GRID1: variants seen among roughly 807,000 people sequenced by gnomAD.
GRID1 encodes glutamate ionotropic receptor delta type subunit 1, also known as glutamate receptor ionotropic, delta-1.
In GRID1, 28 loss-of-function variants were observed where a neutral mutation model predicts 98.0. That is an observed-to-expected ratio of 0.29 (90% CI 0.21 to 0.39). The LOEUF is 0.39. Among genes scored for constraint, GRID1 ranks in the 10% least tolerant of loss-of-function variants. The probability of loss-of-function intolerance (pLI) is 1.00; values close to 1 mark genes in which losing one functional copy is unlikely to be tolerated. For missense variants in GRID1, 1,111 were observed against 1,340.5 expected (o/e 0.83, Z 2.67); for synonymous variants, 553 against 538.5 (o/e 1.03, Z -0.37).
intron 8 of GRID1, among the ~76,000 whole-genome samples, chr10:85,772,819 G>T (rs1203090644): frequency 1.3e-5 from 2 of 152,188 alleles, no homozygotes; most frequent in African/African-American, 4.8e-5. Context: ...TCTGAAATTG[G>T]GGCAATAATC....
At chr10:85,750,315 C>T (rs560395467) in intron 8 of GRID1, among the ~76,000 whole-genome samples, 2 of 152,174 alleles carry the variant, frequency 1.3e-5, no homozygotes, top group South Asian at 2.1e-4. Flanking sequence ...TGACCCATCA[C>T]CAGGGAAGAA....
At chr10:85,637,482 C>T (rs1180315475) in intron 13 of GRID1, among the ~76,000 whole-genome samples, 4 of 152,164 alleles carry the variant, frequency 2.6e-5, no homozygotes, top group Non-Finnish European at 4.4e-5. Flanking sequence ...AGCCCAAGAC[C>T]ATGGGAGGCA....
chr10:86,246,310 A>C (rs1589424924), intron 2 of GRID1, among the ~76,000 whole-genome samples: 1 of 152,176 alleles, frequency 6.6e-6, no homozygotes, highest in African/African-American at 2.4e-5. Context: ...GCCACGGCCC[A>C]CCTGGGCTCC....
intron 4 of GRID1, among the ~76,000 whole-genome samples, chr10:86,005,192 A>G (rs1315756642): frequency 6.6e-6 from 1 of 152,154 alleles, no homozygotes; most frequent in Non-Finnish European, 1.5e-5. Context: ...TGAAAGGAAC[A>G]GTTCTCCTGC....
intron 4 of GRID1, among the ~76,000 whole-genome samples, chr10:85,943,475 T>C (rs1000848206): frequency 6.6e-6 from 1 of 152,188 alleles, no homozygotes; most frequent in Non-Finnish European, 1.5e-5. Context: ...ATCTTTAATA[T>C]AGTGAAAAAT....
intron 4 of GRID1, among the ~76,000 whole-genome samples, chr10:86,092,963 A>G (rs1844169677): frequency 6.6e-6 from 1 of 152,218 alleles, no homozygotes; most frequent in Non-Finnish European, 1.5e-5. Flanking sequence ...TTTTTCCAAG[A>G]TAGACAATAT....
chr10:86,345,346 G>A (rs1848366771), intron 2 of GRID1, among the ~76,000 whole-genome samples: 1 of 152,180 alleles, frequency 6.6e-6, no homozygotes, highest in Non-Finnish European at 1.5e-5. Context: ...GAGAGGCCTG[G>A]GTCTATCAGA....
intron 8 of GRID1, among the ~76,000 whole-genome samples, chr10:85,832,906 C>T (rs767534668): frequency 1.3e-4 from 20 of 152,076 alleles, no homozygotes; most frequent in Non-Finnish European, 1.0e-4. Context: ...CCCTTCCACA[C>T]TAACTACCCT....
chr10:86,098,342 C>T (rs2065319682), intron 4 of GRID1, among the ~76,000 whole-genome samples: 1 of 152,164 alleles, frequency 6.6e-6, no homozygotes, highest in South Asian at 2.1e-4. Flanking sequence ...TTGTGTCTTG[C>T]TTTTCCCTTA....
chr10:86,304,868 G>T (rs183269991), intron 2 of GRID1, among the ~76,000 whole-genome samples: 265 of 152,162 alleles, frequency 1.7e-3, no homozygotes, highest in African/African-American at 5.8e-3. Flanking sequence ...GAGCCTCTTG[G>T]TCTACATCTG....
At chr10:85,654,321 G>T (rs992677772) in intron 12 of GRID1, among the ~76,000 whole-genome samples, 3 of 152,076 alleles carry the variant, frequency 2.0e-5, no homozygotes, top group African/African-American at 4.8e-5. Context: ...TTACATACTT[G>T]TAAAAAGTAA....
chr10:85,899,032 A>G (rs1841339080), intron 5 of GRID1, among the ~76,000 whole-genome samples: 1 of 152,134 alleles, frequency 6.6e-6, no homozygotes, highest in Non-Finnish European at 1.5e-5. Flanking sequence ...TGACATTAGG[A>G]TGGCTACAAA....
intron 2 of GRID1, among the ~76,000 whole-genome samples, chr10:86,260,719 T>C (rs945879940): frequency 2.0e-5 from 3 of 152,048 alleles, no homozygotes; most frequent in South Asian, 2.1e-4. Context: ...CTGAGCCTGA[T>C]TGGGAATGAG....
chr10:86,229,992 C>T (rs961670676), intron 2 of GRID1, among the ~76,000 whole-genome samples: 3 of 152,226 alleles, frequency 2.0e-5, no homozygotes, highest in Admixed American at 2.0e-4. Flanking sequence ...CCTGAGGGTG[C>T]TTGTTGACTC....
chr10:86,310,448 G>C (rs1337247766), intron 2 of GRID1, among the ~76,000 whole-genome samples: 1 of 152,108 alleles, frequency 6.6e-6, no homozygotes, highest in African/African-American at 2.4e-5. Context: ...GGGGTAGAGG[G>C]GTGGGCAGCA....
At chr10:85,644,424 G>C (rs778681927) in intron 13 of GRID1, among the ~76,000 whole-genome samples, 21 of 152,114 alleles carry the variant, frequency 1.4e-4, no homozygotes, top group Non-Finnish European at 2.6e-4. Flanking sequence ...CTTTGGATGT[G>C]TATGTGTATA....
chr10:85,884,004 G>C (rs938984114), intron 5 of GRID1, among the ~76,000 whole-genome samples: 2 of 152,118 alleles, frequency 1.3e-5, no homozygotes, highest in Non-Finnish European at 1.5e-5. Context: ...TATCTCATAC[G>C]TCCTATTCCT....
At chr10:85,731,186 A>T (rs531836412) in intron 8 of GRID1, among the ~76,000 whole-genome samples, 1 of 152,156 alleles carries the variant, frequency 6.6e-6, no homozygotes, top group South Asian at 2.1e-4. Flanking sequence ...TAAGAGATGG[A>T]GTTCTAGAGT....
At chr10:85,679,300 GA>G (rs920319937) in intron 12 of GRID1, among the ~76,000 whole-genome samples, 1 of 152,180 alleles carries the variant, frequency 6.6e-6, no homozygotes, top group Non-Finnish European at 1.5e-5. Flanking sequence ...CCTAAAATAT[GA>G]CTCCTGTCGA....
Sources: gnomAD v4.1 joint callset for allele counts (sites outside exome capture counted in the v4.1 genomes callset) on GRCh38, gnomAD v4.1.1 for gene constraint, MANE v1.5 for transcripts, NCBI Gene and HGNC (gene_info 2026-07-23, HGNC 2026-07-21) for gene names.